The following DLC1 variants were observed in gnomAD, a reference collection of about 807,000 sequenced individuals.
DLC1 encodes rho GTPase-activating protein 7.
Under a neutral mutation model 140.3 loss-of-function variants are expected in DLC1, and 54 were observed. The observed-to-expected ratio is 0.38, with a 90% CI of 0.31 to 0.48. The LOEUF is 0.48. Ranked by LOEUF, DLC1 falls within the 20% of genes least tolerant of loss-of-function variation. The pLI is 0.96. For synonymous variants in DLC1, 986 were observed against 728.1 expected (o/e 1.35, Z -5.70); for missense variants, 2,536 against 1,907.0 (o/e 1.33, Z -6.14).
intron 6 of DLC1, among the ~76,000 whole-genome samples, chr8:13,114,321 C>G (rs1028216568): frequency 3.9e-5 from 6 of 152,198 alleles, no homozygotes; most frequent in African/African-American, 1.4e-4. Flanking sequence ...AAAATCACAC[C>G]ACTGAACTCC....
rs192344662 is a variant in DLC1 at position 13,288,103 on chromosome 8, C to A, written c.1348+17166G>T. Among the ~76,000 whole-genome samples the A allele has an allele frequency of 3.7e-3, 566 of 152,230 alleles. 4 individuals carry two copies. The highest frequency in any genetic ancestry group is 0.013 in the African/African-American group (532 of 41,544). On this transcript the variant is annotated intron_variant, in intron 5 of 17. Coordinates refer to ENST00000276297, the MANE Select transcript of DLC1 (RefSeq NM_182643.3). ...GTGTATCAGCAAAACCAAAAGCCTACTTCAAAATATTTTGACTTTTTTTCT... is the reference window on the plus strand; with the variant it reads ...GTGTATCAGCAAAACCAAAAGCCTAATTCAAAATATTTTGACTTTTTTTCT...
At chr8:13,145,311 A>G (rs1401920849) in intron 5 of DLC1, among the ~76,000 whole-genome samples, 2 of 152,182 alleles carry the variant, frequency 1.3e-5, no homozygotes, top group African/African-American at 4.8e-5. Context: ...AAATAAAAGA[A>G]CATAAATAAA....
intron 4 of DLC1, among the ~76,000 whole-genome samples, chr8:13,326,290 A>G (rs1271246369): frequency 6.6e-6 from 1 of 152,228 alleles, no homozygotes; most frequent in Non-Finnish European, 1.5e-5. Flanking sequence ...AAGAGGATCT[A>G]GCTTTTTACT....
intron 5 of DLC1, among the ~76,000 whole-genome samples, chr8:13,174,679 G>A (rs576051033): frequency 6.6e-6 from 1 of 152,242 alleles, no homozygotes; most frequent in South Asian, 2.1e-4. Context: ...AGAAGCATCT[G>A]TTCATGTCCT....
At chr8:13,393,137 C>T (rs768546166) in intron 4 of DLC1, among the ~76,000 whole-genome samples, 1 of 150,518 alleles carries the variant, frequency 6.6e-6, no homozygotes, top group African/African-American at 2.4e-5. Flanking sequence ...TCTATCTGTC[C>T]ATCCATCCAT....
intron 5 of DLC1, among the ~76,000 whole-genome samples, chr8:13,247,843 C>A (rs1445373579): frequency 6.6e-6 from 1 of 152,206 alleles, no homozygotes; most frequent in Non-Finnish European, 1.5e-5. Flanking sequence ...TGATATTTTA[C>A]TAATATTATA....
intron 5 of DLC1, among the ~76,000 whole-genome samples, chr8:13,184,245 G>A (rs965692335): frequency 3.3e-5 from 5 of 151,796 alleles, no homozygotes. Flanking sequence ...TATCAATTTT[G>A]TTGATCTTTT....
chr8:13,336,155 T>TTCCAAA (rs1433604698), intron 4 of DLC1, among the ~76,000 whole-genome samples: 3 of 152,146 alleles, frequency 2.0e-5, no homozygotes, highest in Non-Finnish European at 2.9e-5. Context: ...CAATATGAGC[T>TTCCAAA]GAAGTTCATT....
At chr8:13,354,964 AAAAAG>A (rs1186873193) in intron 4 of DLC1, among the ~76,000 whole-genome samples, 11 of 151,960 alleles carry the variant, frequency 7.2e-5, no homozygotes, top group Admixed American at 2.0e-4. Context: ...AAAAAAAAAA[AAAAAG>A]AAAAAGGAAG....
chr8:13,157,147 T>A (rs1824314896), intron 5 of DLC1, among the ~76,000 whole-genome samples: 1 of 152,346 alleles, frequency 6.6e-6, no homozygotes, highest in African/African-American at 2.4e-5. Context: ...CCTACTTCTC[T>A]GCACCATAAC....
chr8:13,532,403 C>T (rs1803128875), intron 1 of DLC1, among the ~76,000 whole-genome samples: 1 of 152,206 alleles, frequency 6.6e-6, no homozygotes, highest in Admixed American at 6.5e-5. Flanking sequence ...AGAATAAGAA[C>T]ATGAATGGCA....
intron 5 of DLC1, chr8:13,132,882 C>A: frequency 1.9e-6 from 3 of 1,541,824 alleles, no homozygotes; most frequent in East Asian, 2.4e-5. Context: ...TTTCTCGCGG[C>A]GGGTCCCCTC....
intron 1 of DLC1, among the ~76,000 whole-genome samples, chr8:13,553,248 A>ATG (rs1803928018): frequency 7.6e-6 from 1 of 132,306 alleles, no homozygotes; most frequent in Non-Finnish European, 1.6e-5. Flanking sequence ...ATATATATAT[A>ATG]TATGTATCAC....
chr8:13,185,526 C>A (rs1480736881), intron 5 of DLC1, among the ~76,000 whole-genome samples: 1 of 152,056 alleles, frequency 6.6e-6, no homozygotes, highest in Non-Finnish European at 1.5e-5. Context: ...CCAGGATGAT[C>A]TCGACCTCCT....
intron 2 of DLC1, among the ~76,000 whole-genome samples, chr8:13,491,060 G>C (rs1801214632): frequency 1.4e-5 from 2 of 147,072 alleles, no homozygotes; most frequent in Non-Finnish European, 1.5e-5. Context: ...TTCTGAGTGA[G>C]GGCAATTAAA....
intron 2 of DLC1, among the ~76,000 whole-genome samples, chr8:13,459,546 T>C (rs1239449612): frequency 6.6e-6 from 1 of 152,220 alleles, no homozygotes; most frequent in Non-Finnish European, 1.5e-5. Context: ...GTCTCTCTGT[T>C]CATTGGAACT....
chr8:13,547,572 TC>T (rs1803695834), intron 1 of DLC1, among the ~76,000 whole-genome samples: 2 of 152,194 alleles, frequency 1.3e-5, no homozygotes, highest in African/African-American at 4.8e-5. Flanking sequence ...GCTATTGCTC[TC>T]AATGTTATAA....
intron 5 of DLC1, among the ~76,000 whole-genome samples, chr8:13,166,368 G>T (rs1014336846): frequency 1.3e-5 from 2 of 151,888 alleles, no homozygotes; most frequent in Admixed American, 6.6e-5. Flanking sequence ...TTTAGACGGG[G>T]TCTGCTCTGT....
intron 1 of DLC1, among the ~76,000 whole-genome samples, chr8:13,597,338 C>T (rs41383347): frequency 0.068 from 10,355 of 152,042 alleles, 569 homozygotes; most frequent in Admixed American, 0.17. Context: ...AAGACGTGAA[C>T]CGTATTGCTT....
Sources: gnomAD v4.1 joint callset for allele counts (sites outside exome capture counted in the v4.1 genomes callset) on GRCh38, gnomAD v4.1.1 for gene constraint, MANE v1.5 for transcripts, NCBI Gene and HGNC (gene_info 2026-07-23, HGNC 2026-07-21) for gene names.